CUL9: variants seen among roughly 807,000 people sequenced by gnomAD.
The protein encoded by CUL9 is cullin 9.
A neutral mutation model predicts 272.6 loss-of-function variants in CUL9; 79 were observed. That is an observed-to-expected ratio of 0.29 (90% CI 0.24 to 0.35). CUL9 has a LOEUF of 0.35. CUL9 is among the 10% of genes least tolerant of loss of function. The pLI is 1.00. For synonymous variants in CUL9, 1,186 were observed against 1,286.5 expected (o/e 0.92, Z 1.67); for missense variants, 2,532 against 3,255.6 (o/e 0.78, Z 5.41).
At position 43,206,169 on chromosome 6, in the gene CUL9, C is replaced by A. The variant is rs147730044; in HGVS notation, c.4956C>A (p.Leu1652=). ...AGCGCCAGTTCCACCTCTTCCAGCTCCAGCGGCTCGACAAGTTGTTCTTGG... is the reference window on the plus strand; with the variant it reads ...AGCGCCAGTTCCACCTCTTCCAGCTACAGCGGCTCGACAAGTTGTTCTTGG... The part of the protein sequence containing the change: ...ELQRQFHLFQ[L]QRLDKLFLEQ... The change falls in exon 25 of 41, where the codon CTC becomes CTA. Residue 1652 remains leucine, a synonymous_variant. Transcript: ENST00000252050. The surrounding 1 kb of genome is among the most constrained non-coding windows in gnomAD (Gnocchi z 4.8). 8.7e-3 allele frequency: 13,987 copies of A among 1,613,786 alleles called. 82 individuals carry two copies. Among genetic ancestry groups the A allele is most frequent in the Middle Eastern group, 0.011 (67 of 6,054 alleles).
rs549997827 is a variant in CUL9, at chr6:43,189,833, C to T, written c.2180+1118C>T. On this transcript the variant is annotated intron_variant, in intron 8 of 40. Transcript: ENST00000252050. ...ACAGGTGTGAGCCACCATGCCCAGC[C>T]GCATTCTCATTTTAAAAGATCTGAA... 1.5e-4 allele frequency among the ~76,000 whole-genome samples: 23 copies of T among 152,298 alleles called. No homozygotes were observed. The South Asian group carries it at 2.5e-3, about 16-fold the overall frequency.
At chr6:43,210,137 C>T (rs891826568) in intron 26 of CUL9, among the ~76,000 whole-genome samples, 1 of 152,004 alleles carries the variant, frequency 6.6e-6, no homozygotes, top group African/African-American at 2.4e-5. Flanking sequence ...CACCACCATG[C>T]CTGGCTAATT....
intron 11 of CUL9, 32 bp from the exon 12 acceptor site, chr6:43,198,577 C>A: frequency 6.2e-7 from 1 of 1,608,576 alleles, no homozygotes; most frequent in South Asian, 1.1e-5. Context: ...ACTCTTCATC[C>A]ACATTTTTCC....
intron 8 of CUL9, among the ~76,000 whole-genome samples, chr6:43,190,858 A>G (rs1048708016): frequency 2.0e-5 from 3 of 152,040 alleles, no homozygotes; most frequent in Non-Finnish European, 2.9e-5. Flanking sequence ...AATACCTGCT[A>G]TTTTCTCTCC....
chr6:43,208,784 T>C (rs1451603783), intron 26 of CUL9, among the ~76,000 whole-genome samples: 1 of 152,232 alleles, frequency 6.6e-6, no homozygotes, highest in Non-Finnish European at 1.5e-5. Flanking sequence ...TAAATTATGG[T>C]AAAATATATC....
At chr6:43,192,861 G>A (rs1324010446) in intron 8 of CUL9, 140 bp from the exon 9 acceptor site, 1 of 689,482 alleles carries the variant, frequency 1.5e-6, no homozygotes, top group African/African-American at 1.8e-5. Context: ...CTGAAGCCAG[G>A]AGAGCAGGTT....
At chr6:43,186,848 G>C (rs1772964039) in intron 4 of CUL9, 112 bp from the exon 5 acceptor site, 1 of 1,355,968 alleles carries the variant, frequency 7.4e-7, no homozygotes, top group Admixed American at 2.2e-5. Context: ...GTGTGTATCT[G>C]AGGGTGCGCC....
At chr6:43,210,916 AT>A (rs1327557149) in intron 26 of CUL9, among the ~76,000 whole-genome samples, 1 of 151,960 alleles carries the variant, frequency 6.6e-6, no homozygotes, top group East Asian at 1.9e-4. Context: ...TTTTGGATTG[AT>A]TGATTGTTTT....
rs567375546 is a variant in CUL9 at position 43,196,660 on chromosome 6, G to A, written c.2601G>A (p.Ala867=). The A allele has an allele frequency of 5.6e-6, 9 of 1,614,132 alleles. No individual in the cohort carries two copies. Among genetic ancestry groups the A allele is most frequent in the Middle Eastern group, 1.6e-4 (1 of 6,062 alleles). The change falls in exon 11 of 41, where the codon GCG becomes GCA. Residue 867 remains alanine (A), a synonymous_variant. Coordinates refer to ENST00000252050, the MANE Select transcript of CUL9 (RefSeq NM_015089.4). ...CTCCTCCCAGGTGCTCTTCTGCAGC[G>A]AGAAATGGCTTACTCCTGCTCAACC... ...MLNTEGCSSA[A]RNGLLLLNLL...
At chr6:43,187,567 C>A in intron 6 of CUL9, 128 bp downstream of exon 6, 1 of 1,323,100 alleles carries the variant, frequency 7.6e-7, no homozygotes, top group Admixed American at 2.0e-5. Context: ...TAGGAGGAGT[C>A]CTGCTGGGGG....
In CUL9 at chr6:43,216,414, G is replaced by A. The variant is rs375119455; in HGVS notation, c.6193G>A (p.Val2065Ile). The A allele has an allele frequency of 1.2e-5, 19 of 1,613,812 alleles. No individual in the cohort carries two copies. The highest frequency in any genetic ancestry group is 9.9e-5 in the South Asian group (9 of 91,082). Residue 2065 changes from valine to isoleucine, a missense_variant, in exon 31 of 41, where the codon GTA becomes ATA. By Grantham distance (29) the Val-to-Ile change is conservative (BLOSUM62 3). Around this residue, in one of 3 missense-constraint regions of CUL9, gnomAD observed 2,218 missense variants for 2,788.6 expected, o/e 0.80. Transcript: ENST00000252050. The part of the protein sequence containing the change: ...LCVHQAQAVP[V>I]RPDHCPVCVS... ...CGTACACCAGGCTCAGGCTGTACCC[G>A]TACGGCCTGACCACTGCCCCGTCTG... is the stretch of plus-strand genomic sequence containing the variant.
chr6:43,216,290 C>T lies in CUL9; in HGVS notation c.6069C>T (p.Val2023=), dbSNP rs758139373. The stretch of plus-strand genomic sequence containing the variant: ...AGACGCTGAACTTAGAGCCAGATGT[C>T]GCTCAGCACCTTTTGGCTCATTCCC... ...VQETLNLEPD[V]AQHLLAHSHW... Residue 2023 remains valine, a synonymous_variant, in exon 31 of 41, where the codon GTC becomes GTT. Coordinates refer to ENST00000252050, the MANE Select transcript of CUL9 (RefSeq NM_015089.4). The T allele has an allele frequency of 1.7e-5, 27 of 1,613,902 alleles. No individual in the cohort carries two copies. The Admixed American group carries it at 1.8e-4, about 11-fold the overall frequency.
Position 43,213,017 on chromosome 6 carries a change from ATCTC to A in CUL9, c.5213-128_5213-125del, listed in dbSNP as rs1255410643. The A allele has an allele frequency of 2.1e-6, 2 of 961,196 alleles. No homozygotes were observed. Among genetic ancestry groups the A allele is most frequent in the South Asian group, 1.7e-5 (1 of 60,386 alleles). 59.5% of individuals were successfully genotyped at this position (961,196 alleles called of 1,614,324 possible). A position where few individuals can be genotyped will look rare whatever the true frequency, so the allele number is the denominator to read the frequency against. On this transcript the variant is annotated intron_variant, in intron 26 of 40. Coordinates refer to ENST00000252050, the MANE Select transcript of CUL9 (RefSeq NM_015089.4). This position sits in a 1 kb window ranked among gnomAD's most constrained non-coding sequence, Gnocchi z 5.7. ...CTGAGATCTGGAAGCTTGACAAGGTATCTCTCTGTCTGAAAATGCTGGGGCCCTC... is the reference window on the plus strand; with the variant it reads ...CTGAGATCTGGAAGCTTGACAAGGTATCTGTCTGAAAATGCTGGGGCCCTC...
At chr6:43,208,159 T>C (rs1489002469) in intron 26 of CUL9, among the ~76,000 whole-genome samples, 1 of 152,236 alleles carries the variant, frequency 6.6e-6, no homozygotes, top group Non-Finnish European at 1.5e-5. Flanking sequence ...ATGTGGCTAA[T>C]ATAACTGAGG....
Position 43,203,104 on chromosome 6 carries a change from A to G in CUL9, c.3754-5A>G, listed in dbSNP as rs1253830167. 3 of 1,612,858 alleles carry G rather than the reference A, an allele frequency of 1.9e-6. No homozygotes were observed. Among genetic ancestry groups the G allele is most frequent in the East Asian group, 2.2e-5 (1 of 44,888 alleles). On this transcript the variant is annotated splice_region_variant and splice_polypyrimidine_tract_variant and intron_variant, in intron 17 of 40. Transcript: ENST00000252050. This position sits in a 1 kb window ranked among gnomAD's most constrained non-coding sequence, Gnocchi z 5.0. The stretch of plus-strand genomic sequence containing the variant: ...TTCTCTCCCTCTTCTCCCCTGCCCT[A>G]CCAGGTGAATGTGATGCCCTCTGCC...
At position 43,206,622 on chromosome 6, in the gene CUL9, C is replaced by G; in HGVS notation, c.5212+112C>G. The stretch of plus-strand genomic sequence containing the variant: ...TAGATGTGAAGAAAAATATCAGCTC[C>G]TAGCGAGGGATGAGAAAGCATGGGT... On this transcript the variant is annotated intron_variant, in intron 26 of 40. Transcript: ENST00000252050. This position sits in a 1 kb window ranked among gnomAD's most constrained non-coding sequence, Gnocchi z 4.8. The G allele has an allele frequency of 1.1e-6, 1 of 905,402 alleles. No homozygotes were observed. The allele number at this position is 905,402 out of a possible 1,614,324, so 56.1% of individuals were successfully genotyped here. A position where few individuals can be genotyped will look rare whatever the true frequency, so the allele number is the denominator to read the frequency against.
chr6:43,222,082 G>A (rs1244583301), intron 35 of CUL9: 4 of 599,852 alleles, frequency 6.7e-6, no homozygotes, highest in Admixed American at 3.0e-5. Context: ...TGCATTTAGA[G>A]CCTGGCTCTG....
intron 8 of CUL9, among the ~76,000 whole-genome samples, chr6:43,190,028 TTG>T (rs1406989513): frequency 1.3e-5 from 2 of 151,706 alleles, no homozygotes; most frequent in African/African-American, 4.9e-5. Flanking sequence ...TTTTTTTTTT[TTG>T]CCCCCGCTCA....
intron 38 of CUL9, 34 bp downstream of exon 38, chr6:43,222,930 G>GCCT: frequency 6.4e-7 from 1 of 1,571,980 alleles, no homozygotes; most frequent in Non-Finnish European, 8.7e-7. Flanking sequence ...CCCTCCTCCT[G>GCCT]CCTCCTCCCC....
Sources: allele counts gnomAD v4.1 joint callset (sites outside exome capture counted in the v4.1 genomes callset), GRCh38; gene constraint gnomAD v4.1.1; regional missense constraint gnomAD v4.1.1; non-coding constraint Gnocchi (gnomAD v3.1); transcripts MANE v1.5; gene names NCBI Gene and HGNC (gene_info 2026-07-23, HGNC 2026-07-21).